Variants in CD163L1 observed in about 807,000 individuals in gnomAD.
The protein encoded by CD163L1 is CD163 molecule like 1.
CD163L1 carries 124 observed loss-of-function variants against 165.4 expected under a neutral mutation model. The observed-to-expected ratio is 0.75, with a 90% CI of 0.65 to 0.87. CD163L1 has a LOEUF of 0.87. Ranked by LOEUF, CD163L1 falls within the 40% of genes least tolerant of loss-of-function variation. The pLI, the probability that CD163L1 is intolerant of heterozygous loss-of-function variation, is 0.00. For synonymous variants in CD163L1, 585 were observed against 662.2 expected (o/e 0.88, Z 1.79); for missense variants, 1,525 against 1,799.9 (o/e 0.85, Z 2.76).
At chr12:7,418,855 A>G (rs916150641) in intron 4 of CD163L1, among the ~76,000 whole-genome samples, 2 of 152,088 alleles carry the variant, frequency 1.3e-5, no homozygotes, top group Admixed American at 6.6e-5. Flanking sequence ...GAACAGACCA[A>G]TAGCAAGCAG....
At chr12:7,323,694 G>A in the CD163L1 span, 3 of 761,306 alleles carry the variant, frequency 3.9e-6, no homozygotes, top group African/African-American at 5.2e-5. Context: ...ACTATCATCT[G>A]TCACCCAAGA....
rs976426255 is a variant in CD163L1 at position 7,383,058 on chromosome 12, G to A, written c.2051-3760C>T. Among the ~76,000 whole-genome samples the A allele has an allele frequency of 3.3e-5, 5 of 152,124 alleles. No homozygotes were observed. In the South Asian group the frequency reaches 6.2e-4, roughly 19 times the overall value. On this transcript the variant is annotated intron_variant, in intron 8 of 19. Transcript: ENST00000313599. ...TCACTGATAGCAACCCCACTTCCTCGCAGCAGCAGGGACACTGTGCACTTT... is the reference window on the plus strand; with the variant it reads ...TCACTGATAGCAACCCCACTTCCTCACAGCAGCAGGGACACTGTGCACTTT...
At chr12:7,334,106 T>C in the CD163L1 span, among the ~76,000 whole-genome samples, 3 of 131,876 alleles carry the variant, frequency 2.3e-5, no homozygotes, top group African/African-American at 2.8e-5. Context: ...TTCCAATCAA[T>C]AGAAAAAGAG....
chr12:7,349,982 C>T (rs780051375), downstream of CD163L1, among the ~76,000 whole-genome samples: 9 of 152,034 alleles, frequency 5.9e-5, no homozygotes, highest in Non-Finnish European at 1.3e-4. Context: ...ACATTCTCTC[C>T]TGATGCAAAA....
rs1232435107 is a variant in CD163L1 at position 7,394,084 on chromosome 12, T to C, written c.2050+2011A>G. Among the ~76,000 whole-genome samples, 13 of 148,362 alleles carry C rather than the reference T, an allele frequency of 8.8e-5. No individual in the cohort carries two copies. In the Admixed American group the frequency reaches 8.9e-4, roughly 10 times the overall value. ...GGAAAAAACTACTTTAAAGTTCGTA[T>C]GGAACCAAAAAAAAACAAAAACAAA... On this transcript the variant is annotated intron_variant, in intron 8 of 19. Transcript: ENST00000313599.
In CD163L1 at chr12:7,368,306, T is replaced by C. The variant is rs1032193227; in HGVS notation, c.4073-109A>G. 1 of 605,428 alleles carries C rather than the reference T, an allele frequency of 1.7e-6. No homozygotes were observed. Among genetic ancestry groups the C allele is most frequent in the Admixed American group, 2.9e-5 (1 of 34,072 alleles). 37.5% of individuals were successfully genotyped at this position (605,428 alleles called of 1,614,324 possible). On this transcript the variant is annotated intron_variant, in intron 16 of 19. Transcript: ENST00000313599. The surrounding 1 kb of genome is among the most constrained non-coding windows in gnomAD (Gnocchi z 4.3). ...TAGTTGCTGAGAAGAATAATGGCTA[T>C]ACATTTCAACATATTCATGAACAGT...
the CD163L1 span, among the ~76,000 whole-genome samples, chr12:7,322,053 C>T: frequency 6.6e-6 from 1 of 152,186 alleles, no homozygotes; most frequent in Non-Finnish European, 1.5e-5. Flanking sequence ...AAGAATGCTT[C>T]TAAAGCCCTT....
chr12:7,350,493 T>G (rs1946699594), downstream of CD163L1, among the ~76,000 whole-genome samples: 1 of 152,186 alleles, frequency 6.6e-6, no homozygotes, highest in South Asian at 2.1e-4. Flanking sequence ...CATCTATCCA[T>G]CCATTTACCA....
the CD163L1 span, among the ~76,000 whole-genome samples, chr12:7,330,982 C>T: frequency 4.0e-3 from 615 of 152,252 alleles, 2 homozygotes; most frequent in Non-Finnish European, 6.4e-3. Context: ...TGAAGCAGGG[C>T]GAGGCATCGC....
chr12:7,353,335 G>A (rs1175331420), downstream of CD163L1, among the ~76,000 whole-genome samples: 1 of 151,854 alleles, frequency 6.6e-6, no homozygotes, highest in Non-Finnish European at 1.5e-5. Context: ...AGGCACAGAA[G>A]AATAGAGAAA....
chr12:7,386,536 A>G (rs2136463575), intron 8 of CD163L1, among the ~76,000 whole-genome samples: 2 of 151,762 alleles, frequency 1.3e-5, no homozygotes, highest in East Asian at 3.9e-4. Context: ...ATACAGGCCA[A>G]TATCCTTGAT....
At chr12:7,345,000 T>C (rs1411941192), downstream of CD163L1, among the ~76,000 whole-genome samples, 3 of 152,240 alleles carry the variant, frequency 2.0e-5, no homozygotes, top group African/African-American at 4.8e-5. Flanking sequence ...GGCTGCTTCT[T>C]AGATCTCTGA....
At chr12:7,354,448 C>G (rs890177522), downstream of CD163L1, among the ~76,000 whole-genome samples, 2 of 152,066 alleles carry the variant, frequency 1.3e-5, no homozygotes, top group African/African-American at 4.8e-5. Context: ...TTTGAAAATG[C>G]TTTCTACATT....
Position 7,374,482 on chromosome 12 carries a change from G to A in CD163L1, c.3369C>T (p.His1123=), listed in dbSNP as rs369447691. 68 of 1,613,972 alleles carry A rather than the reference G, an allele frequency of 4.2e-5. No homozygotes were observed. The highest frequency in any genetic ancestry group is 5.3e-5 in the Non-Finnish European group (62 of 1,180,004). Residue 1123 remains histidine, a synonymous_variant, in exon 13 of 20, where the codon CAC becomes CAT. Transcript: ENST00000313599. This position sits in a 1 kb window ranked among gnomAD's most constrained non-coding sequence, Gnocchi z 5.4. ...CTGCGTCCTCCTTGTGCCTGCAGTC[G>A]TGCTGCCCCCAGCCGCGGGAAGGGC... ...WQCPSRGWGQ[H]DCRHKEDAGV...
chr12:7,421,460 T>TAC (rs1948395864), intron 4 of CD163L1, among the ~76,000 whole-genome samples: 2 of 92,470 alleles, frequency 2.2e-5, no homozygotes, highest in Non-Finnish European at 3.9e-5. Context: ...TATGTACATA[T>TAC]ATACATATAT....
intron 14 of CD163L1, among the ~76,000 whole-genome samples, chr12:7,370,004 C>T (rs183415065): frequency 5.3e-5 from 8 of 152,224 alleles, no homozygotes; most frequent in Admixed American, 2.6e-4. Flanking sequence ...TCTTGCCCCT[C>T]TCATTTTCAC....
the CD163L1 span, among the ~76,000 whole-genome samples, chr12:7,328,916 T>A: frequency 6.7e-6 from 1 of 150,076 alleles, no homozygotes; most frequent in South Asian, 2.1e-4. Context: ...TGTATATATA[T>A]CTGTATATAT....
the CD163L1 span, among the ~76,000 whole-genome samples, chr12:7,334,701 G>A: frequency 1.9e-4 from 29 of 152,314 alleles, no homozygotes; most frequent in Admixed American, 9.2e-4. Context: ...AAGTCAAATC[G>A]TCCCTGTTTG....
Position 7,432,758 on chromosome 12 carries a change from A to T in CD163L1, c.446-22T>A. On this transcript the variant is annotated intron_variant, in intron 3 of 19. Transcript: ENST00000313599. This position sits in a 1 kb window ranked among gnomAD's most constrained non-coding sequence, Gnocchi z 4.2. ...TCACCTACGAGAAAGACAAGCAGAC[A>T]TATGAAAAACTGATTCAACTTTGAG... The T allele has an allele frequency of 6.4e-7, 1 of 1,560,898 alleles. No individual in the cohort carries two copies. Among genetic ancestry groups the T allele is most frequent in the Non-Finnish European group, 8.7e-7 (1 of 1,153,344 alleles).
Sources: gnomAD v4.1 joint callset for allele counts (sites outside exome capture counted in the v4.1 genomes callset) on GRCh38, gnomAD v4.1.1 for gene constraint, Gnocchi (gnomAD v3.1) non-coding constraint, MANE v1.5 for transcripts, NCBI Gene and HGNC (gene_info 2026-07-23, HGNC 2026-07-21) for gene names.